PCDH15: variants seen among roughly 807,000 people sequenced by gnomAD.
The protein encoded by PCDH15 is protocadherin-15.
A neutral mutation model predicts 178.5 loss-of-function variants in PCDH15; 129 were observed. That is an observed-to-expected ratio of 0.72 (90% CI 0.63 to 0.84). The LOEUF (loss-of-function observed/expected upper bound fraction) is 0.84. Ranked by LOEUF, PCDH15 falls within the 40% of genes least tolerant of loss-of-function variation. The pLI is 0.00. For synonymous variants in PCDH15, 800 were observed against 732.0 expected (o/e 1.09, Z -1.50); for missense variants, 2,230 against 2,099.9 (o/e 1.06, Z -1.21).
intron 3 of PCDH15, among the ~76,000 whole-genome samples, chr10:54,468,185 C>A (rs997468884): frequency 1.1e-4 from 17 of 151,544 alleles, no homozygotes; most frequent in African/African-American, 4.1e-4. Flanking sequence ...TTTATTATTT[C>A]TTTCCTTTTG....
Position 55,570,816 on chromosome 10 carries a change from C to A in PCDH15, c.-156+56809G>T, listed in dbSNP as rs1349169646. Reference sequence around the variant, plus strand: ...GACCTTCTGAAAACAGACTTATTATCACTACTTCCTTATTAGCTGTTATAC... The same window carrying A: ...GACCTTCTGAAAACAGACTTATTATAACTACTTCCTTATTAGCTGTTATAC... On this transcript the variant is annotated intron_variant, in intron 2 of 5. Coordinates refer to the PCDH15 transcript ENST00000613346. Among the ~76,000 whole-genome samples the A allele has an allele frequency of 1.3e-5, 2 of 152,038 alleles. 1 individual carries two copies. The highest frequency in any genetic ancestry group is 3.9e-4 in the East Asian group (2 of 5,162).
At chr10:54,359,648 G>A (rs1415584636) in intron 5 of PCDH15, among the ~76,000 whole-genome samples, 1 of 151,658 alleles carries the variant, frequency 6.6e-6, no homozygotes, top group African/African-American at 2.4e-5. Context: ...CCAATTATTT[G>A]TCAACAAATT....
intron 2 of PCDH15, among the ~76,000 whole-genome samples, chr10:55,487,011 C>A (rs915634954): frequency 2.6e-5 from 4 of 151,492 alleles, no homozygotes; most frequent in African/African-American, 9.7e-5. Flanking sequence ...TTCTTTTCCT[C>A]ATAAAATAGA....
At chr10:54,644,598 A>G (rs1357707125) in intron 2 of PCDH15, among the ~76,000 whole-genome samples, 1 of 152,076 alleles carries the variant, frequency 6.6e-6, no homozygotes. Context: ...TAGCAATTCC[A>G]TCATTGGCCA....
chr10:53,972,115 G>A (rs1030858409), intron 21 of PCDH15, among the ~76,000 whole-genome samples: 3 of 152,018 alleles, frequency 2.0e-5, no homozygotes, highest in African/African-American at 7.2e-5. Context: ...ACAGAACAGA[G>A]CCCTCAGAAA....
chr10:54,587,268 C>T (rs2091542848), intron 2 of PCDH15, among the ~76,000 whole-genome samples: 1 of 152,076 alleles, frequency 6.6e-6, no homozygotes, highest in African/African-American at 2.4e-5. Flanking sequence ...ACACAAGTGC[C>T]ATTTCTTAAA....
rs2093955968 is a variant in PCDH15 at position 54,640,084 on chromosome 10, A to G, written c.91+24088T>C. ...CACTCCAGCCTGGCAACATAGCAAG[A>G]CCCTGTCTCTAAATAAATAAATAAA... On this transcript the variant is annotated intron_variant, in intron 2 of 37. Coordinates refer to ENST00000644397, the MANE Select transcript of PCDH15 (RefSeq NM_001384140.1). Among the ~76,000 whole-genome samples, 4 of 152,088 alleles carry G rather than the reference A, an allele frequency of 2.6e-5. No homozygotes were observed. In the South Asian group the frequency reaches 8.3e-4, roughly 32 times the overall value.
intron 2 of PCDH15, among the ~76,000 whole-genome samples, chr10:55,396,544 C>T (rs1022192583): frequency 3.3e-5 from 5 of 151,922 alleles, no homozygotes; most frequent in African/African-American, 4.8e-5. Flanking sequence ...GAGGTCTAAT[C>T]GAGACCGGTA....
intron 2 of PCDH15, among the ~76,000 whole-genome samples, chr10:55,005,793 A>T (rs1839914067): frequency 6.6e-6 from 1 of 152,248 alleles, no homozygotes; most frequent in Non-Finnish European, 1.5e-5. Flanking sequence ...ATAGATATAT[A>T]GGGTAAGATT....
intron 1 of PCDH15, among the ~76,000 whole-genome samples, chr10:55,288,220 A>T (rs951601036): frequency 2.6e-5 from 4 of 150,974 alleles, no homozygotes; most frequent in Admixed American, 2.0e-4. Context: ...AAGAAAAAAA[A>T]ATTGGGAGAA....
intron 13 of PCDH15, among the ~76,000 whole-genome samples, chr10:54,158,843 C>T (rs773349489): frequency 1.3e-5 from 2 of 152,038 alleles, no homozygotes; most frequent in Non-Finnish European, 1.5e-5. Context: ...AGCTGTGGCT[C>T]ACGCTTGTAA....
rs71984217 is a variant in PCDH15, at chr10:54,309,320, TACACACACAC to T, written c.876+7941_876+7950del. 9.8e-4 allele frequency among the ~76,000 whole-genome samples: 144 copies of T among 146,290 alleles called. 1 individual carries two copies. The highest frequency in any genetic ancestry group is 3.0e-3 in the African/African-American group (118 of 39,932). On this transcript the variant is annotated intron_variant, in intron 8 of 37. Coordinates refer to ENST00000644397, the MANE Select transcript of PCDH15 (RefSeq NM_001384140.1). ...ACACACAAACATATATATACGTACATACACACACACACACACACACACACACACACACACA... is the reference window on the plus strand; with the variant it reads ...ACACACAAACATATATATACGTACATACACACACACACACACACACACACA...
rs114057205 is a variant in PCDH15, at chr10:54,913,918, C to T, written c.-79-16418G>A. Among the ~76,000 whole-genome samples the T allele has an allele frequency of 7.7e-3, 1,166 of 152,314 alleles. 15 individuals are homozygous for T. Among genetic ancestry groups the T allele is most frequent in the African/African-American group, 0.027 (1,110 of 41,562 alleles). On this transcript the variant is annotated intron_variant, in intron 2 of 5. Coordinates refer to the PCDH15 transcript ENST00000458638. ...TGAAATGGGAACATTTACCCAGTGCCTGTACCCCCACTGTATCTTAGAACT... is the reference window on the plus strand; with the variant it reads ...TGAAATGGGAACATTTACCCAGTGCTTGTACCCCCACTGTATCTTAGAACT...
rs560028878 is a variant in PCDH15 at position 54,322,265 on chromosome 10, C to T, written c.706-4824G>A. On this transcript the variant is annotated intron_variant, in intron 7 of 37. Coordinates refer to ENST00000644397, the MANE Select transcript of PCDH15 (RefSeq NM_001384140.1). Reference sequence around the variant, plus strand: ...TATAATTTAATTATGTTTTCATTTACGTTATGTGATAATCTAATATATATT... The same window carrying T: ...TATAATTTAATTATGTTTTCATTTATGTTATGTGATAATCTAATATATATT... Among the ~76,000 whole-genome samples the T allele has an allele frequency of 1.8e-3, 279 of 151,820 alleles. 1 individual carries two copies. Among genetic ancestry groups the T allele is most frequent in the Middle Eastern group, 3.4e-3 (1 of 292 alleles).
intron 2 of PCDH15, among the ~76,000 whole-genome samples, chr10:55,355,580 T>C (rs1845054982): frequency 6.6e-6 from 1 of 151,996 alleles, no homozygotes; most frequent in Non-Finnish European, 1.5e-5. Context: ...TTTAAAAAAC[T>C]GAATTTTTAC....
At chr10:55,572,100 C>A (rs1842417070) in intron 2 of PCDH15, among the ~76,000 whole-genome samples, 1 of 151,974 alleles carries the variant, frequency 6.6e-6, no homozygotes, top group Non-Finnish European at 1.5e-5. Flanking sequence ...CTCTTTAGAG[C>A]AGTTTTCCAC....
chr10:53,903,805 A>G (rs2082488342), intron 25 of PCDH15, among the ~76,000 whole-genome samples: 1 of 152,188 alleles, frequency 6.6e-6, no homozygotes, highest in Non-Finnish European at 1.5e-5. Flanking sequence ...AAAATCAGCA[A>G]TGGCATTTCT....
At chr10:54,752,868 CAG>C (rs1436563478) in intron 1 of PCDH15, among the ~76,000 whole-genome samples, 3 of 152,026 alleles carry the variant, frequency 2.0e-5, no homozygotes, top group Admixed American at 6.5e-5. Flanking sequence ...CCATCTAAAA[CAG>C]GGTAAAATTC....
chr10:54,230,339 C>T (rs749111405), intron 9 of PCDH15, among the ~76,000 whole-genome samples: 18 of 151,126 alleles, frequency 1.2e-4, no homozygotes, highest in Middle Eastern at 3.2e-3. Flanking sequence ...TTGTGTAGCA[C>T]AAGGATCATG....
Sources: allele counts gnomAD v4.1 joint callset (sites outside exome capture counted in the v4.1 genomes callset), GRCh38; gene constraint gnomAD v4.1.1; transcripts MANE v1.5; gene names NCBI Gene and HGNC (gene_info 2026-07-23, HGNC 2026-07-21).